Variants in DMD observed in about 807,000 individuals in gnomAD.
DMD encodes the protein dystrophin, also known as mutant dystrophin.
In DMD, 63 loss-of-function variants were observed where a neutral mutation model predicts 330.1. That is an observed-to-expected ratio of 0.19 (90% CI 0.16 to 0.24). The LOEUF (loss-of-function observed/expected upper bound fraction) is 0.24, where lower values mean the gene tolerates loss of function less well. Ranked by LOEUF, DMD falls within the 10% of genes least tolerant of loss-of-function variation. The pLI is 1.00. For synonymous variants in DMD, 1,223 were observed against 959.8 expected (o/e 1.27, Z -5.07); for missense variants, 3,344 against 2,684.1 (o/e 1.25, Z -5.43).
intron 34 of DMD, among the ~76,000 whole-genome samples, chrX:32,365,585 G>A (rs892573768): frequency 1.6e-4 from 18 of 110,684 alleles, no homozygotes; most frequent in Non-Finnish European, 1.9e-4. Flanking sequence ...TCTGCAGCAG[G>A]GATTTTTTTA....
intron 11 of DMD, among the ~76,000 whole-genome samples, chrX:32,634,288 G>T (rs1262143489): frequency 9.0e-6 from 1 of 111,724 alleles, no homozygotes; most frequent in Non-Finnish European, 1.9e-5. Flanking sequence ...CCAAACTCTG[G>T]AATCAGGGAC....
chrX:32,279,987 T>TATATATATATGTACCCCAC lies in DMD; in HGVS notation c.6290+7523_6290+7541dup, dbSNP rs202204564. 5.8e-3 allele frequency among the ~76,000 whole-genome samples: 552 copies of TATATATATATGTACCCCAC among 94,980 alleles called. 8 individuals carry two copies. Among genetic ancestry groups the TATATATATATGTACCCCAC allele is most frequent in the African/African-American group, 0.02 (502 of 25,581 alleles). 82.5% of individuals were successfully genotyped at this position (94,980 alleles called of 115,157 possible). A position where few individuals can be genotyped will look rare whatever the true frequency, so the allele number is the denominator to read the frequency against. ...AACCCATATATATATGTACCCCACA[T>TATATATATATGTACCCCAC]ATATATATATGTACCCCACATATAT... On this transcript the variant is annotated intron_variant, in intron 43 of 78. Coordinates refer to ENST00000357033, the MANE Select transcript of DMD (RefSeq NM_004006.3).
At position 32,842,318 on chromosome X, in the gene DMD, G is replaced by A. The variant is rs181717680; in HGVS notation, c.264+2465C>T. Among the ~76,000 whole-genome samples, 12 of 112,237 alleles carry A rather than the reference G, an allele frequency of 1.1e-4. No homozygotes were observed. The South Asian group carries it at 2.2e-3, about 21-fold the overall frequency. ...TCAGGCCCTCGCCAGAGATAACCAC[G>A]CTAGGGATTTTCCCCACTGACAAGC... is the stretch of plus-strand genomic sequence containing the variant. On this transcript the variant is annotated intron_variant, in intron 4 of 78. Coordinates refer to ENST00000357033, the MANE Select transcript of DMD (RefSeq NM_004006.3).
chrX:33,220,581 G>A (rs917778215), intron 1 of DMD, among the ~76,000 whole-genome samples: 2 of 111,676 alleles, frequency 1.8e-5, no homozygotes, highest in Non-Finnish European at 3.8e-5. Context: ...TGTTTAAGGT[G>A]TTTCTTACCT....
intron 11 of DMD, among the ~76,000 whole-genome samples, chrX:32,635,146 C>A (rs954400601): frequency 8.1e-5 from 9 of 111,249 alleles, no homozygotes; most frequent in African/African-American, 2.6e-4. Context: ...AATGCAAAGT[C>A]CTATAATCAC....
At chrX:33,208,761 T>A (rs1021150357) in intron 1 of DMD, among the ~76,000 whole-genome samples, 1 of 110,798 alleles carries the variant, frequency 9.0e-6, no homozygotes, top group Non-Finnish European at 1.9e-5. Flanking sequence ...AATAAAGAGT[T>A]GATGAAAAAG....
chrX:31,864,051 C>A (rs758441064), intron 48 of DMD, among the ~76,000 whole-genome samples: 18 of 111,121 alleles, frequency 1.6e-4, no homozygotes, highest in Non-Finnish European at 2.8e-4. Context: ...GTACTATAAA[C>A]CCTTTTAAAA....
intron 43 of DMD, among the ~76,000 whole-genome samples, chrX:32,282,314 T>C (rs1368968629): frequency 8.9e-6 from 1 of 112,218 alleles, no homozygotes; most frequent in African/African-American, 3.2e-5. Context: ...ATAGATCTTA[T>C]GTAAATTCTT....
chrX:32,392,892 A>G (rs1414151922), intron 30 of DMD, among the ~76,000 whole-genome samples: 1 of 112,935 alleles, frequency 8.9e-6, no homozygotes, highest in Non-Finnish European at 1.9e-5. Context: ...CAAGGCTTTC[A>G]GCCAACAACT....
At chrX:32,678,858 T>C (rs1167201759) in intron 9 of DMD, among the ~76,000 whole-genome samples, 9 of 111,619 alleles carry the variant, frequency 8.1e-5, no homozygotes, top group African/African-American at 2.6e-4. Context: ...TCCTTACAAC[T>C]TTGGCAATAA....
chrX:32,430,571 C>T (rs2098233939), intron 29 of DMD, among the ~76,000 whole-genome samples: 1 of 111,813 alleles, frequency 8.9e-6, no homozygotes, highest in Non-Finnish European at 1.9e-5. Flanking sequence ...TGTAACAGAA[C>T]ACTTAACATA....
chrX:31,842,705 A>AT (rs1339919797), intron 48 of DMD, among the ~76,000 whole-genome samples: 2 of 111,907 alleles, frequency 1.8e-5, no homozygotes, highest in African/African-American at 3.2e-5. Flanking sequence ...GCAACAAAGT[A>AT]TTTTTTTAAA....
chrX:31,547,982 C>G (rs938205646), intron 55 of DMD, among the ~76,000 whole-genome samples: 1 of 111,773 alleles, frequency 8.9e-6, no homozygotes, highest in East Asian at 2.8e-4. Context: ...GGTTTGAATT[C>G]GATTTGCATG....
intron 2 of DMD, among the ~76,000 whole-genome samples, chrX:32,856,236 G>T (rs894560070): frequency 4.5e-5 from 5 of 111,745 alleles, no homozygotes; most frequent in Non-Finnish European, 7.5e-5. Context: ...GAACCACTGT[G>T]AAGAACTGTT....
intron 9 of DMD, among the ~76,000 whole-genome samples, chrX:32,685,150 C>A (rs772062845): frequency 7.9e-4 from 86 of 109,292 alleles, no homozygotes; most frequent in Admixed American, 2.3e-3. Flanking sequence ...ACAGTGCTTC[C>A]GGCATACTTG....
intron 51 of DMD, among the ~76,000 whole-genome samples, chrX:31,760,682 A>G (rs954401895): frequency 1.8e-5 from 2 of 111,790 alleles, no homozygotes; most frequent in Admixed American, 9.5e-5. Flanking sequence ...CTCCGAATGT[A>G]TATCTGTTGT....
At chrX:32,794,579 A>G (rs911799312) in intron 7 of DMD, among the ~76,000 whole-genome samples, 1 of 111,036 alleles carries the variant, frequency 9.0e-6, no homozygotes. Flanking sequence ...ACAGAGCAAG[A>G]CTCCATCTCA....
intron 73 of DMD, among the ~76,000 whole-genome samples, chrX:31,171,042 A>G (rs1222189492): frequency 8.9e-6 from 1 of 112,094 alleles, no homozygotes; most frequent in Non-Finnish European, 1.9e-5. Flanking sequence ...CTAATACCAA[A>G]ATCAGTGAGC....
chrX:31,872,142 T>A (rs1255909512), intron 48 of DMD, among the ~76,000 whole-genome samples: 3 of 107,962 alleles, frequency 2.8e-5, no homozygotes, highest in African/African-American at 6.7e-5. Context: ...AAGAGTATTT[T>A]TGAAGTCTGC....
Sources: allele counts gnomAD v4.1 joint callset (sites outside exome capture counted in the v4.1 genomes callset), GRCh38; gene constraint gnomAD v4.1.1; transcripts MANE v1.5; gene names NCBI Gene and HGNC (gene_info 2026-07-23, HGNC 2026-07-21).